The following CYTH4 variants were observed in gnomAD, a reference collection of about 807,000 sequenced individuals.
CYTH4 encodes the protein cytohesin 4.
Under a neutral mutation model 57.5 loss-of-function variants are expected in CYTH4, and 22 were observed. That is an observed-to-expected ratio of 0.38 (90% confidence interval 0.27 to 0.55). The LOEUF is 0.55. Ranked by LOEUF, CYTH4 falls within the 20% of genes least tolerant of loss-of-function variation. The pLI is 0.74. For synonymous variants in CYTH4, 186 were observed against 206.5 expected (o/e 0.90, Z 0.85); for missense variants, 420 against 535.6 (o/e 0.78, Z 2.13).
rs759120873 is a variant in CYTH4 at position 37,299,271 on chromosome 22, C to T, written c.399C>T (p.His133=). 26 of 1,614,044 alleles carry T rather than the reference C, an allele frequency of 1.6e-5. No individual in the cohort carries two copies. The South Asian group carries it at 2.2e-4, about 14-fold the overall frequency. ...TCCTCCAGGCCTTCGTGGACTGCCA[C>T]GAGTTCGCCAACCTCAACCTCGTCC... ...LQVLQAFVDC[H]EFANLNLVQA... Residue 133 remains histidine (H), a synonymous_variant, in exon 6 of 13, where the codon CAC becomes CAT. Coordinates refer to ENST00000248901, the MANE Select transcript of CYTH4 (RefSeq NM_013385.5).
rs751686825 is a variant in CYTH4, at chr22:37,311,468, C to T, written c.898C>T (p.Arg300Trp). 8.7e-6 allele frequency: 14 copies of T among 1,613,932 alleles called. No individual in the cohort carries two copies. The highest frequency in any genetic ancestry group is 1.3e-5 in the African/African-American group (1 of 74,912). Residue 300 changes from arginine (R) to tryptophan (W), a missense_variant, in exon 11 of 13, where the codon CGG becomes TGG. Coordinates refer to ENST00000248901, the MANE Select transcript of CYTH4 (RefSeq NM_013385.5). The surrounding 1 kb of genome is among the most constrained non-coding windows in gnomAD (Gnocchi z 4.4). ...YFEFTTDKEPRGIIPLENLSV... is the reference protein window; with the variant it reads ...YFEFTTDKEPWGIIPLENLSV... Reference sequence around the variant, plus strand: ...CCTTTCCCTGTAGGACAAGGAGCCACGGGGAATTATACCTCTTGAGAACCT... The same window carrying T: ...CCTTTCCCTGTAGGACAAGGAGCCATGGGGAATTATACCTCTTGAGAACCT...
intron 8 of CYTH4, among the ~76,000 whole-genome samples, chr22:37,303,879 G>A (rs138842430): frequency 1.1e-3 from 175 of 152,326 alleles, no homozygotes; most frequent in Admixed American, 3.7e-3. Context: ...ACCTCCGGTC[G>A]CTTCCTCAAA....
At chr22:37,294,084 G>A (rs1469749983) in intron 2 of CYTH4, among the ~76,000 whole-genome samples, 2 of 150,626 alleles carry the variant, frequency 1.3e-5, no homozygotes, top group African/African-American at 4.9e-5. Context: ...AGCCATGGGA[G>A]GGGTTTGAGC....
chr22:37,304,803 G>A (rs1167846921), intron 8 of CYTH4, among the ~76,000 whole-genome samples: 1 of 152,158 alleles, frequency 6.6e-6, no homozygotes, highest in Non-Finnish European at 1.5e-5. Context: ...CTTGGGCAAT[G>A]ACTCACTGGA....
chr22:37,284,915 A>T (rs1308031155), intron 1 of CYTH4, among the ~76,000 whole-genome samples: 1 of 147,070 alleles, frequency 6.8e-6, no homozygotes, highest in Non-Finnish European at 1.5e-5. Flanking sequence ...CAGGCAGCGC[A>T]GTTAAAAATA....
At chr22:37,284,548 C>T (rs992708368) in intron 1 of CYTH4, among the ~76,000 whole-genome samples, 3 of 152,132 alleles carry the variant, frequency 2.0e-5, no homozygotes, top group African/African-American at 2.4e-5. Context: ...CTTCATGGCA[C>T]GGTGACTTCC....
chr22:37,299,784 C>A (rs1320451052), intron 6 of CYTH4, among the ~76,000 whole-genome samples: 6 of 152,180 alleles, frequency 3.9e-5, no homozygotes, highest in African/African-American at 1.4e-4. Flanking sequence ...AATCCCAGCT[C>A]TGCTGCTCAC....
In CYTH4 at chr22:37,311,780, T is replaced by G. The variant is rs1929652448; in HGVS notation, c.958-240T>G. ...ACTGGCTGGATGGCCCCGAGTAAGCTCCACTCCATTCAGAACCTCAGTGAG... is the reference window on the plus strand; with the variant it reads ...ACTGGCTGGATGGCCCCGAGTAAGCGCCACTCCATTCAGAACCTCAGTGAG... On this transcript the variant is annotated intron_variant, in intron 11 of 12. Transcript: ENST00000248901. The surrounding 1 kb of genome is among the most constrained non-coding windows in gnomAD (Gnocchi z 4.4). 1 of 662,720 alleles carries G rather than the reference T, an allele frequency of 1.5e-6. No individual in the cohort carries two copies. Among genetic ancestry groups the G allele is most frequent in the Non-Finnish European group, 2.5e-6 (1 of 393,826 alleles). The allele number at this position is 662,720 out of a possible 1,614,324, so 41.1% of individuals were successfully genotyped here. A position where few individuals can be genotyped will look rare whatever the true frequency, so the allele number is the denominator to read the frequency against.
chr22:37,310,099 T>C, intron 9 of CYTH4: 1 of 442,078 alleles, frequency 2.3e-6, no homozygotes, highest in Admixed American at 2.5e-5. Flanking sequence ...ACATTGAGCC[T>C]CCAGCACCTC....
chr22:37,300,845 G>A (rs1455936273), intron 6 of CYTH4, 62 bp from the exon 7 acceptor site: 2 of 1,394,662 alleles, frequency 1.4e-6, no homozygotes, highest in Non-Finnish European at 2.0e-6. Context: ...AGGCAGGGCA[G>A]CTTGTCTGGG....
At chr22:37,306,237 C>T (rs1017678262) in intron 8 of CYTH4, among the ~76,000 whole-genome samples, 1 of 151,884 alleles carries the variant, frequency 6.6e-6, no homozygotes, top group Non-Finnish European at 1.5e-5. Flanking sequence ...ACAAAGAACT[C>T]CACTCTCCGG....
chr22:37,301,926 T>G (rs1311643189), intron 7 of CYTH4: 1 of 168,298 alleles, frequency 5.9e-6, no homozygotes, highest in East Asian at 1.9e-4. Flanking sequence ...CTCGAACTCC[T>G]GACCTCAGGT....
intron 2 of CYTH4, 101 bp from the exon 3 acceptor site, chr22:37,294,557 TGA>T: frequency 1.5e-6 from 2 of 1,327,906 alleles, no homozygotes; most frequent in Non-Finnish European, 2.1e-6. Context: ...GGGCCAGGTT[TGA>T]GAGTCGTGCC....
At chr22:37,289,729 A>G (rs1928683744) in intron 1 of CYTH4, among the ~76,000 whole-genome samples, 2 of 152,320 alleles carry the variant, frequency 1.3e-5, no homozygotes, top group South Asian at 4.1e-4. Context: ...AGATGGAGCC[A>G]TCTGAGCTAC....
At position 37,295,459 on chromosome 22, in the gene CYTH4, C is replaced by T. The variant is rs184934052; in HGVS notation, c.168-540C>T. On this transcript the variant is annotated intron_variant, in intron 3 of 12. Transcript: ENST00000248901. The surrounding 1 kb of genome is among the most constrained non-coding windows in gnomAD (Gnocchi z 4.1). ...ACACACACACAAGCATGCACACACA[C>T]GAGTGGCCGTTTCTCCAGCTCCCCT... Among the ~76,000 whole-genome samples the T allele has an allele frequency of 1.3e-5, 2 of 151,898 alleles. No homozygotes were observed. Among genetic ancestry groups the T allele is most frequent in the East Asian group, 1.9e-4 (1 of 5,190 alleles).
chr22:37,283,883 G>C lies in CYTH4; in HGVS notation c.19+1295G>C, dbSNP rs2284041. The stretch of plus-strand genomic sequence containing the variant: ...TCAGCAGACATGAGGGTGGGATGAG[G>C]GGGGGAGGGCACCCACCGAGATGCA... On this transcript the variant is annotated intron_variant, in intron 1 of 12. Coordinates refer to ENST00000248901, the MANE Select transcript of CYTH4 (RefSeq NM_013385.5). Among the ~76,000 whole-genome samples, 36 of 131,420 alleles carry C rather than the reference G, an allele frequency of 2.7e-4. 1 individual carries two copies. The East Asian group carries it at 8.1e-3, about 30-fold the overall frequency. 86.2% of individuals were successfully genotyped at this position (131,420 alleles called of 152,430 possible).
chr22:37,310,504 C>T (rs375777005), intron 9 of CYTH4, among the ~76,000 whole-genome samples: 4 of 152,188 alleles, frequency 2.6e-5, no homozygotes, highest in African/African-American at 9.7e-5. Flanking sequence ...CGTGGGCAGG[C>T]GATTTTACCT....
chr22:37,300,234 C>T, intron 6 of CYTH4: 1 of 717,186 alleles, frequency 1.4e-6, no homozygotes, highest in East Asian at 2.7e-5. Flanking sequence ...CCACCACCAT[C>T]CAGTGTTCTC....
intron 8 of CYTH4, among the ~76,000 whole-genome samples, chr22:37,305,950 G>A (rs1382480086): frequency 6.6e-6 from 1 of 151,852 alleles, no homozygotes; most frequent in Admixed American, 6.5e-5. Flanking sequence ...CAGGGGCAGA[G>A]TCCCCAAGAA....
Sources: allele counts gnomAD v4.1 joint callset (sites outside exome capture counted in the v4.1 genomes callset), GRCh38; gene constraint gnomAD v4.1.1; non-coding constraint Gnocchi (gnomAD v3.1); transcripts MANE v1.5; gene names NCBI Gene and HGNC (gene_info 2026-07-23, HGNC 2026-07-21).